The following ATP6V1H variants were observed in gnomAD, a reference collection of about 807,000 sequenced individuals.
The protein encoded by ATP6V1H is ATPase H+ transporting V1 subunit H.
ATP6V1H carries 39 observed loss-of-function variants against 71.7 expected under a neutral mutation model. The ratio of observed to expected loss-of-function variants is 0.54; its 90% CI spans 0.42 to 0.71. The LOEUF is 0.71. Ranked by LOEUF, ATP6V1H falls within the 30% of genes least tolerant of loss-of-function variation. ATP6V1H has a pLI of 0.00. For synonymous variants in ATP6V1H, 192 were observed against 199.3 expected (o/e 0.96, Z 0.31); for missense variants, 509 against 594.9 (o/e 0.86, Z 1.50).
rs140899959 is a variant in ATP6V1H, at chr8:53,734,765, C to A, written c.1391+8812G>T. Reference sequence around the variant, plus strand: ...TCAGAGGCTCGGAAAGCTGCATCCACCCGCTACCGGGCGTCAGTCACAGCC... The same window carrying A: ...TCAGAGGCTCGGAAAGCTGCATCCAACCGCTACCGGGCGTCAGTCACAGCC... On this transcript the variant is annotated intron_variant, in intron 13 of 13. Coordinates refer to ENST00000359530, the MANE Select transcript of ATP6V1H (RefSeq NM_015941.4). Among the ~76,000 whole-genome samples the A allele has an allele frequency of 4.4e-3, 677 of 152,292 alleles. 9 individuals are homozygous for A. Among genetic ancestry groups the A allele is most frequent in the African/African-American group, 0.015 (634 of 41,578 alleles).
chr8:53,731,518 T>G (rs1807024612), intron 13 of ATP6V1H, among the ~76,000 whole-genome samples: 1 of 152,206 alleles, frequency 6.6e-6, no homozygotes. Flanking sequence ...CTGTCTTGAT[T>G]GCTGATACAT....
chr8:53,786,630 T>C (rs1356249144), intron 9 of ATP6V1H, among the ~76,000 whole-genome samples: 2 of 152,220 alleles, frequency 1.3e-5, no homozygotes, highest in Non-Finnish European at 2.9e-5. Flanking sequence ...ATGGGAGCTG[T>C]AGACTGGAGC....
chr8:53,770,797 G>A (rs1177778453), intron 10 of ATP6V1H, among the ~76,000 whole-genome samples: 1 of 152,030 alleles, frequency 6.6e-6, no homozygotes, highest in African/African-American at 2.4e-5. Context: ...GCAAAAACAG[G>A]CCTTAAATGA....
intron 12 of ATP6V1H, among the ~76,000 whole-genome samples, chr8:53,755,735 TATATATATA>T (rs1288687674): frequency 0.012 from 55 of 4,408 alleles, no homozygotes; most frequent in Non-Finnish European, 0.015. Flanking sequence ...TATATATATA[TATATATATA>T]TTTTTTTTTT....
chr8:53,723,793 G>T (rs1806708351), intron 13 of ATP6V1H, among the ~76,000 whole-genome samples: 1 of 152,184 alleles, frequency 6.6e-6, no homozygotes, highest in South Asian at 2.1e-4. Flanking sequence ...TTCCCATGGG[G>T]TCACAACGCA....
At chr8:53,747,157 C>T (rs1479522605) in intron 12 of ATP6V1H, among the ~76,000 whole-genome samples, 2 of 152,106 alleles carry the variant, frequency 1.3e-5, no homozygotes, top group Non-Finnish European at 2.9e-5. Context: ...CATAAAATAT[C>T]CTCATAAGAA....
At position 53,814,212 on chromosome 8, in the gene ATP6V1H, A is replaced by G. The variant is rs192229407; in HGVS notation, c.525+450T>C. On this transcript the variant is annotated intron_variant, in intron 6 of 13. Coordinates refer to ENST00000359530, the MANE Select transcript of ATP6V1H (RefSeq NM_015941.4). ...CCAAAAACCAAGATTTCTCGCACAA[A>G]TCTTGGTGGTTCACAATCCTGGGGC... Among the ~76,000 whole-genome samples the G allele has an allele frequency of 7.4e-3, 1,123 of 152,226 alleles. 8 individuals carry two copies. The highest frequency in any genetic ancestry group is 0.031 in the Middle Eastern group (9 of 294).
chr8:53,782,738 GT>G (rs1308242872), intron 9 of ATP6V1H, among the ~76,000 whole-genome samples: 6 of 152,148 alleles, frequency 3.9e-5, no homozygotes, highest in Admixed American at 3.3e-4. Flanking sequence ...TTTATTGAGA[GT>G]TTTTAGCATG....
intron 7 of ATP6V1H, among the ~76,000 whole-genome samples, chr8:53,802,185 C>T (rs1809930669): frequency 6.6e-6 from 1 of 152,170 alleles, no homozygotes; most frequent in South Asian, 2.1e-4. Flanking sequence ...GATAAATAAG[C>T]ACACTGCCTT....
chr8:53,761,062 C>T (rs1043963114), intron 11 of ATP6V1H, among the ~76,000 whole-genome samples: 47 of 152,088 alleles, frequency 3.1e-4, no homozygotes, highest in Admixed American at 1.7e-3. Context: ...ACTAGCCAGG[C>T]GCGGTGGCTC....
chr8:53,768,290 T>C (rs537904267), intron 11 of ATP6V1H, among the ~76,000 whole-genome samples: 1 of 152,128 alleles, frequency 6.6e-6, no homozygotes, highest in South Asian at 2.1e-4. Context: ...ATAATAAACG[T>C]TGGCAAAGAT....
At chr8:53,729,898 G>A (rs1232710050) in intron 13 of ATP6V1H, among the ~76,000 whole-genome samples, 1 of 152,110 alleles carries the variant, frequency 6.6e-6, no homozygotes, top group African/African-American at 2.4e-5. Context: ...AGAGACAACT[G>A]GCCAATGAAC....
chr8:53,715,602 C>A lies in ATP6V1H; in HGVS notation c.*362G>T. On this transcript the variant is annotated 3_prime_UTR_variant, in exon 14 of 14. Transcript: ENST00000359530. ...CCATTCACTACTTTGCAACAATTCT[C>A]CCAATTTGGTTTGAAAAGAGACAAC... 1 of 193,024 alleles carries A rather than the reference C, an allele frequency of 5.2e-6. No individual in the cohort carries two copies. Among genetic ancestry groups the A allele is most frequent in the Admixed American group, 5.9e-5 (1 of 16,816 alleles). 12.0% of individuals were successfully genotyped at this position (193,024 alleles called of 1,614,324 possible).
chr8:53,789,675 C>T (rs562992194), intron 9 of ATP6V1H, among the ~76,000 whole-genome samples: 64 of 152,202 alleles, frequency 4.2e-4, no homozygotes, highest in African/African-American at 1.4e-3. Flanking sequence ...CTTTCCCATA[C>T]GTCTATTTCA....
At chr8:53,765,977 T>C (rs964381002) in intron 11 of ATP6V1H, among the ~76,000 whole-genome samples, 2 of 152,062 alleles carry the variant, frequency 1.3e-5, no homozygotes, top group Non-Finnish European at 2.9e-5. Flanking sequence ...AGCCCAGAAA[T>C]AGACCCACAC....
chr8:53,795,206 C>T (rs1458524380), intron 9 of ATP6V1H, among the ~76,000 whole-genome samples: 1 of 152,120 alleles, frequency 6.6e-6, no homozygotes, highest in East Asian at 1.9e-4. Context: ...AATCTAATAT[C>T]CTAATAGGAT....
intron 11 of ATP6V1H, among the ~76,000 whole-genome samples, chr8:53,766,742 C>T (rs865979265): frequency 6.6e-6 from 1 of 152,192 alleles, no homozygotes; most frequent in Admixed American, 6.5e-5. Context: ...TCTCCCATAG[C>T]GTTCCCAGGC....
intron 2 of ATP6V1H, among the ~76,000 whole-genome samples, chr8:53,834,865 G>C (rs551582790): frequency 6.6e-6 from 1 of 152,176 alleles, no homozygotes; most frequent in South Asian, 2.1e-4. Flanking sequence ...AGTTAGGCTA[G>C]GTGCAGTGGC....
intron 7 of ATP6V1H, among the ~76,000 whole-genome samples, 198 bp downstream of exon 7, chr8:53,810,966 A>C (rs1783315392): frequency 6.6e-6 from 1 of 152,200 alleles, no homozygotes; most frequent in Non-Finnish European, 1.5e-5. Flanking sequence ...GGAAAGAACA[A>C]GTCTTATGTC....
Sources: gnomAD v4.1 joint callset for allele counts (sites outside exome capture counted in the v4.1 genomes callset) on GRCh38, gnomAD v4.1.1 for gene constraint, MANE v1.5 for transcripts, NCBI Gene and HGNC (gene_info 2026-07-23, HGNC 2026-07-21) for gene names.